The following B4GALT1 variants were observed in gnomAD, a reference collection of about 807,000 sequenced individuals.
B4GALT1 encodes the protein beta-1,4-galactosyltransferase 1.
In B4GALT1, 16 loss-of-function variants were observed where a neutral mutation model predicts 34.9. That is an observed-to-expected ratio of 0.46 (90% CI 0.31 to 0.70). B4GALT1 has a LOEUF of 0.70. Among genes scored for constraint, B4GALT1 ranks in the 30% least tolerant of loss-of-function variants. B4GALT1 has a pLI of 0.05. For synonymous variants in B4GALT1, 221 were observed against 218.1 expected (o/e 1.01, Z -0.12); for missense variants, 445 against 530.5 (o/e 0.84, Z 1.58).
chr9:33,167,750 G>A (rs1295030141), upstream of B4GALT1, among the ~76,000 whole-genome samples: 1 of 152,252 alleles, frequency 6.6e-6, no homozygotes, highest in East Asian at 1.9e-4. Context: ...TATCTGGAGT[G>A]GTTTGGGGCC....
chr9:33,118,024 G>A (rs748202455), intron 3 of B4GALT1, among the ~76,000 whole-genome samples: 4 of 152,182 alleles, frequency 2.6e-5, no homozygotes, highest in Non-Finnish European at 5.9e-5. Context: ...ACATGGTGCT[G>A]TGGCAAAGAA....
intron 3 of B4GALT1, among the ~76,000 whole-genome samples, chr9:33,117,382 G>C (rs1474472688): frequency 1.3e-5 from 2 of 152,182 alleles, no homozygotes; most frequent in Non-Finnish European, 2.9e-5. Context: ...AAAACTTTTT[G>C]TATTTTAATA....
At chr9:33,134,075 C>A (rs1379038590) in intron 2 of B4GALT1, among the ~76,000 whole-genome samples, 1 of 152,118 alleles carries the variant, frequency 6.6e-6, no homozygotes, top group East Asian at 1.9e-4. Context: ...TGGGAAGGTC[C>A]CACTTGCCAG....
intron 2 of B4GALT1, among the ~76,000 whole-genome samples, chr9:33,128,186 C>T (rs1169402179): frequency 2.0e-5 from 3 of 152,098 alleles, no homozygotes; most frequent in Non-Finnish European, 4.4e-5. Flanking sequence ...ACTCCTCCTT[C>T]CACTTGCTTT....
At chr9:33,148,897 C>G (rs1403360866) in intron 1 of B4GALT1, among the ~76,000 whole-genome samples, 1 of 151,768 alleles carries the variant, frequency 6.6e-6, no homozygotes, top group Non-Finnish European at 1.5e-5. Context: ...AAAGACCATT[C>G]CCCTGAAGGG....
At chr9:33,168,279 G>A (rs140461690), upstream of B4GALT1, among the ~76,000 whole-genome samples, 3 of 152,240 alleles carry the variant, frequency 2.0e-5, no homozygotes, top group Non-Finnish European at 2.9e-5. Context: ...GCAAGTAAGG[G>A]CTGAAGGCTG....
chr9:33,136,166 G>C (rs1352338327), intron 1 of B4GALT1, among the ~76,000 whole-genome samples: 1 of 152,104 alleles, frequency 6.6e-6, no homozygotes, highest in Non-Finnish European at 1.5e-5. Context: ...CAAAGAGGAA[G>C]AAGAAGTAAC....
chr9:33,122,433 G>A (rs767501257), intron 2 of B4GALT1, among the ~76,000 whole-genome samples: 28 of 152,086 alleles, frequency 1.8e-4, no homozygotes, highest in Non-Finnish European at 3.5e-4. Context: ...CTGATCCCAG[G>A]GAGGTTGAGG....
At chr9:33,177,329 C>G in the B4GALT1 span, 1 of 152,216 alleles carries the variant, frequency 6.6e-6, no homozygotes, top group Admixed American at 6.5e-5. Flanking sequence ...CGCAAGCTTC[C>G]TTATTCCAAA....
chr9:33,143,619 T>C (rs1457838986), intron 1 of B4GALT1, among the ~76,000 whole-genome samples: 1 of 152,260 alleles, frequency 6.6e-6, no homozygotes, highest in Non-Finnish European at 1.5e-5. Context: ...GGAATCTGCA[T>C]TTTAACAAGC....
In B4GALT1 at chr9:33,123,000, C is replaced by T. The variant is rs115690129; in HGVS notation, c.649-2394G>A. On this transcript the variant is annotated intron_variant, in intron 2 of 5. Coordinates refer to ENST00000379731, the MANE Select transcript of B4GALT1 (RefSeq NM_001497.4). ...CTCTACTAAAAACACAAAAAATTGC[C>T]GGGCACAGTGGCTCACGTATGTAAT... Among the ~76,000 whole-genome samples the T allele has an allele frequency of 6.9e-3, 1,045 of 151,930 alleles. 9 individuals are homozygous for T. The highest frequency in any genetic ancestry group is 0.024 in the African/African-American group (986 of 41,436).
intron 4 of B4GALT1, among the ~76,000 whole-genome samples, chr9:33,114,117 T>A (rs1406525946): frequency 1.3e-5 from 2 of 152,246 alleles, no homozygotes; most frequent in Non-Finnish European, 2.9e-5. Context: ...TGCCAGACAC[T>A]GGGGCCGTGT....
At chr9:33,146,615 C>T (rs1001506695) in intron 1 of B4GALT1, among the ~76,000 whole-genome samples, 3 of 152,210 alleles carry the variant, frequency 2.0e-5, no homozygotes, top group African/African-American at 2.4e-5. Context: ...CTTCGCTTTG[C>T]ACCTCCTTAG....
intron 1 of B4GALT1, among the ~76,000 whole-genome samples, chr9:33,152,851 G>A (rs544100627): frequency 6.6e-6 from 1 of 152,086 alleles, no homozygotes; most frequent in Non-Finnish European, 1.5e-5. Context: ...TCCACTCTGG[G>A]GGATGGAGTG....
At chr9:33,141,252 C>G (rs10121006) in intron 1 of B4GALT1, among the ~76,000 whole-genome samples, 1 of 152,114 alleles carries the variant, frequency 6.6e-6, no homozygotes, top group South Asian at 2.1e-4. Context: ...TGTCTGTAAT[C>G]CCAGCACTTT....
chr9:33,176,722 G>A, the B4GALT1 span, among the ~76,000 whole-genome samples: 1 of 152,264 alleles, frequency 6.6e-6, no homozygotes, highest in East Asian at 1.9e-4. Flanking sequence ...AGGGACAAGA[G>A]TTGAAAAACT....
intron 2 of B4GALT1, among the ~76,000 whole-genome samples, chr9:33,127,864 A>G (rs1184440174): frequency 6.6e-6 from 1 of 152,234 alleles, no homozygotes; most frequent in East Asian, 1.9e-4. Context: ...ACCCTGTATG[A>G]CGGGCTGGCT....
At chr9:33,165,606 A>G (rs1757906122) in intron 1 of B4GALT1, among the ~76,000 whole-genome samples, 1 of 152,262 alleles carries the variant, frequency 6.6e-6, no homozygotes, top group South Asian at 2.1e-4. Context: ...AAGAGTATGT[A>G]GTAGCCAGGG....
intron 1 of B4GALT1, among the ~76,000 whole-genome samples, chr9:33,155,509 C>A (rs1005484451): frequency 1.3e-5 from 2 of 152,214 alleles, no homozygotes; most frequent in African/African-American, 4.8e-5. Context: ...TACTGATGAA[C>A]AACGTCCACC....
Sources: gnomAD v4.1 joint callset for allele counts (sites outside exome capture counted in the v4.1 genomes callset) on GRCh38, gnomAD v4.1.1 for gene constraint, MANE v1.5 for transcripts, NCBI Gene and HGNC (gene_info 2026-07-23, HGNC 2026-07-21) for gene names.